The following MRNIP variants were observed in gnomAD, a reference collection of about 807,000 sequenced individuals.
MRNIP encodes the protein MRN complex-interacting protein.
A neutral mutation model predicts 29.8 loss-of-function variants in MRNIP; 30 were observed. The observed-to-expected ratio is 1.01, with a 90% CI of 0.75 to 1.36. The LOEUF (loss-of-function observed/expected upper bound fraction) is 1.36, where lower values mean the gene tolerates loss of function less well. Ranked by LOEUF, MRNIP falls within the 40% of genes most tolerant of loss-of-function variation. The pLI is 0.00. For synonymous variants in MRNIP, 201 were observed against 164.1 expected, an observed-to-expected ratio of 1.23 and a Z score of -1.72; for missense variants, 459 against 423.5, an observed-to-expected ratio of 1.08 and a Z score of -0.74.
rs375158695 is a variant in MRNIP at position 179,840,961 on chromosome 5, T to C, written c.450-2A>G. 4 of 1,598,020 alleles carry C rather than the reference T, an allele frequency of 2.5e-6. No individual in the cohort carries two copies. In the African/African-American group the frequency reaches 5.4e-5, roughly 21 times the overall value. On this transcript the variant is annotated splice_acceptor_variant, in intron 5 of 6. Transcript: ENST00000292586. LOFTEE classifies it high-confidence loss of function. Reference sequence around the variant, plus strand: ...TGGACGGTGCTCCTGCTCCACTTCCTGTCAGGACAGGACCGTCAGTAGTCC... The same window carrying C: ...TGGACGGTGCTCCTGCTCCACTTCCCGTCAGGACAGGACCGTCAGTAGTCC...
At chr5:179,852,807 C>T (rs1233687358) in intron 2 of MRNIP, among the ~76,000 whole-genome samples, 1 of 152,178 alleles carries the variant, frequency 6.6e-6, no homozygotes, top group Non-Finnish European at 1.5e-5. Context: ...TCCTAGAGTT[C>T]AGGAGGGGCA....
At position 179,848,263 on chromosome 5, in the gene MRNIP, A is replaced by T. The variant is rs78884368; in HGVS notation, c.127-197T>A. Among the ~76,000 whole-genome samples the T allele has an allele frequency of 7.6e-3, 1,153 of 152,316 alleles. 15 individuals are homozygous for T. Among genetic ancestry groups the T allele is most frequent in the African/African-American group, 0.027 (1,102 of 41,556 alleles). ...CAAACCAACAGTCTCCGGAACTAAT[A>T]GTTTACATCTATGTGGCTGTCCCAC... On this transcript the variant is annotated intron_variant, in intron 2 of 6. Transcript: ENST00000292586.
At chr5:179,843,684 G>C (rs994510291) in intron 4 of MRNIP, among the ~76,000 whole-genome samples, 2 of 152,082 alleles carry the variant, frequency 1.3e-5, no homozygotes, top group African/African-American at 4.8e-5. Flanking sequence ...AGGCTGCAGA[G>C]AACCATGATC....
At chr5:179,845,234 C>G (rs775359017) in intron 3 of MRNIP, among the ~76,000 whole-genome samples, 1 of 151,966 alleles carries the variant, frequency 6.6e-6, no homozygotes, top group Non-Finnish European at 1.5e-5. Context: ...GAGTCTCACT[C>G]TGTCACCCAG....
chr5:179,841,145 TAGAA>T, intron 5 of MRNIP, 186 bp from the exon 6 acceptor site: 1 of 577,980 alleles, frequency 1.7e-6, no homozygotes, highest in Non-Finnish European at 3.1e-6. Flanking sequence ...TTCTAGGTGC[TAGAA>T]AGTTTTGTTT....
chr5:179,844,666 T>C (rs920179089), intron 3 of MRNIP, among the ~76,000 whole-genome samples: 9 of 152,136 alleles, frequency 5.9e-5, no homozygotes, highest in African/African-American at 2.2e-4. Flanking sequence ...GCTCAAGTGA[T>C]CTACCCACCT....
At chr5:179,837,910 T>TC (rs1239262235) in intron 6 of MRNIP, 25 bp from the exon 7 acceptor site, 2 of 1,591,698 alleles carry the variant, frequency 1.3e-6, no homozygotes, top group Non-Finnish European at 1.7e-6. Context: ...GGCCATGCCC[T>TC]CCATGTGTAA....
At chr5:179,843,736 T>C (rs1759009667) in intron 4 of MRNIP, among the ~76,000 whole-genome samples, 1 of 151,612 alleles carries the variant, frequency 6.6e-6, no homozygotes, top group South Asian at 2.1e-4. Context: ...TGAGACCTCG[T>C]TTCAGAGAAA....
intron 3 of MRNIP, among the ~76,000 whole-genome samples, chr5:179,846,790 C>A (rs1390939431): frequency 6.6e-6 from 1 of 152,146 alleles, no homozygotes; most frequent in African/African-American, 2.4e-5. Context: ...TTGCCAAGGT[C>A]AATACAGGCA....
chr5:179,850,815 A>G (rs1444826449), intron 2 of MRNIP, among the ~76,000 whole-genome samples: 1 of 152,184 alleles, frequency 6.6e-6, no homozygotes, highest in African/African-American at 2.4e-5. Context: ...GTGGCCACGA[A>G]ACCAGCCTCT....
intron 1 of MRNIP, among the ~76,000 whole-genome samples, chr5:179,855,969 C>T (rs2434413): frequency 0.063 from 8,749 of 138,670 alleles, 277 homozygotes; most frequent in African/African-American, 0.085. Flanking sequence ...AGCACTGTGG[C>T]GTGATCTCGG....
At chr5:179,839,409 G>A (rs1758768813) in intron 6 of MRNIP, 1 of 152,244 alleles carries the variant, frequency 6.6e-6, no homozygotes, top group South Asian at 2.1e-4. Flanking sequence ...CACTGAACTT[G>A]CCATGACTGC....
chr5:179,858,701 G>A (rs1759709400), intron 1 of MRNIP, 30 bp downstream of exon 1: 4 of 1,388,788 alleles, frequency 2.9e-6, no homozygotes, highest in Non-Finnish European at 3.9e-6. Flanking sequence ...CCGCGCCGGA[G>A]GAGGAGGAGG....
At chr5:179,839,199 C>T (rs1424508819) in intron 6 of MRNIP, 2 of 143,534 alleles carry the variant, frequency 1.4e-5, no homozygotes, top group Non-Finnish European at 3.0e-5. Context: ...TGCAGTGAGC[C>T]AAGATCGTGC....
intron 4 of MRNIP, among the ~76,000 whole-genome samples, chr5:179,842,988 A>C (rs148787844): frequency 2.8e-5 from 4 of 142,274 alleles, no homozygotes; most frequent in Admixed American, 7.3e-5. Flanking sequence ...AGCTGAGATC[A>C]CGCCACTGCA....
chr5:179,844,358 G>C (rs1461729371), intron 3 of MRNIP, 131 bp from the exon 4 acceptor site: 3 of 702,452 alleles, frequency 4.3e-6, no homozygotes, highest in Non-Finnish European at 7.5e-6. Flanking sequence ...TTCGAGACAA[G>C]TCTGACGAAC....
intron 4 of MRNIP, among the ~76,000 whole-genome samples, chr5:179,842,632 G>A (rs1240111557): frequency 1.4e-5 from 2 of 145,986 alleles, no homozygotes; most frequent in African/African-American, 5.2e-5. Context: ...CCCGGGAGGC[G>A]GGGCCTGCAG....
intron 5 of MRNIP, 31 bp from the exon 6 acceptor site, chr5:179,840,990 G>C (rs372181800): frequency 2.7e-6 from 4 of 1,506,024 alleles, no homozygotes; most frequent in Non-Finnish European, 3.6e-6. Context: ...GTAGTCCCGT[G>C]CTACTCTCCA....
intron 2 of MRNIP, among the ~76,000 whole-genome samples, chr5:179,849,265 T>C (rs1265217855): frequency 7.0e-4 from 58 of 82,460 alleles, no homozygotes; most frequent in East Asian, 1.6e-3. Flanking sequence ...AATTTGAGAG[T>C]ACGGGTCCTG....
Sources: allele counts gnomAD v4.1 joint callset (sites outside exome capture counted in the v4.1 genomes callset), GRCh38; gene constraint gnomAD v4.1.1; transcripts MANE v1.5; gene names NCBI Gene and HGNC (gene_info 2026-07-23, HGNC 2026-07-21).